The following ERFL variants were observed in gnomAD, a reference collection of about 807,000 sequenced individuals.
ERFL encodes ETS repressor factor like.
A neutral mutation model predicts 27.9 loss-of-function variants in ERFL; 8 were observed. The ratio of observed to expected loss-of-function variants is 0.29; its 90% CI spans 0.17 to 0.52. ERFL has a LOEUF of 0.52. ERFL is among the 20% of genes least tolerant of loss of function. The pLI is 0.97. For synonymous variants in ERFL, 174 were observed against 202.8 expected (o/e 0.86, Z 1.21); for missense variants, 294 against 444.4 (o/e 0.66, Z 3.04).
In ERFL at chr19:41,908,787, G is replaced by T. The variant is rs1599670301; in HGVS notation, c.617-111C>A. 1 of 543,168 alleles carries T rather than the reference G, an allele frequency of 1.8e-6. No individual in the cohort carries two copies. The highest frequency in any genetic ancestry group is 2.8e-6 in the Non-Finnish European group (1 of 360,030). 33.6% of individuals were successfully genotyped at this position (543,168 alleles called of 1,614,324 possible). The stretch of plus-strand genomic sequence containing the variant: ...CCATCTCCCCGCATCCCTCCTACAT[G>T]GCATCTTACCCCCTCATACAGCTTC... On this transcript the variant is annotated intron_variant, in intron 5 of 5. Transcript: ENST00000597630. The surrounding 1 kb of genome is among the most constrained non-coding windows in gnomAD (Gnocchi z 6.7).
chr19:41,914,868 CTGT>C lies in ERFL; in HGVS notation c.-13-1939_-13-1937del, dbSNP rs1555851745. On this transcript the variant is annotated intron_variant, in intron 1 of 5. Transcript: ENST00000597630. ...CTGTCTCTCCCCCCCTCCACCATCTCTGTCTCTCCCTCCCCTCCATCATCTCTG... is the reference window on the plus strand; with the variant it reads ...CTGTCTCTCCCCCCCTCCACCATCTCCTCTCCCTCCCCTCCATCATCTCTG... 5.1e-5 allele frequency among the ~76,000 whole-genome samples: 3 copies of C among 59,316 alleles called. 1 individual carries two copies. Among genetic ancestry groups the C allele is most frequent in the South Asian group, 8.7e-4 (1 of 1,150 alleles). The allele number at this position is 59,316 out of a possible 152,430, so 38.9% of individuals were successfully genotyped here.
At chr19:41,926,332 T>C (rs1445457297) in intron 1 of ERFL, among the ~76,000 whole-genome samples, 1 of 151,624 alleles carries the variant, frequency 6.6e-6, no homozygotes, top group African/African-American at 2.4e-5. Flanking sequence ...AGGGAACAGG[T>C]ATGGAGGACA....
At chr19:41,920,183 C>T (rs191991054) in intron 1 of ERFL, among the ~76,000 whole-genome samples, 2 of 129,232 alleles carry the variant, frequency 1.5e-5, no homozygotes, top group East Asian at 2.3e-4. Flanking sequence ...ATGACACGCT[C>T]ACAGACATGC....
chr19:41,917,648 G>T lies in ERFL; in HGVS notation c.-13-4716C>A, dbSNP rs1048789277. ...GCACACACCATGCCCCAAAGCACACGCACGCACGCACACACACACCCTGAC... is the reference window on the plus strand; with the variant it reads ...GCACACACCATGCCCCAAAGCACACTCACGCACGCACACACACACCCTGAC... On this transcript the variant is annotated intron_variant, in intron 1 of 5. Coordinates refer to ENST00000597630, the MANE Select transcript of ERFL (RefSeq NM_001365103.2). This position sits in a 1 kb window ranked among gnomAD's most constrained non-coding sequence, Gnocchi z 4.8. Among the ~76,000 whole-genome samples, 1 of 151,338 alleles carries T rather than the reference G, an allele frequency of 6.6e-6. No individual in the cohort carries two copies. The highest frequency in any genetic ancestry group is 2.1e-4 in the South Asian group (1 of 4,806).
intron 1 of ERFL, among the ~76,000 whole-genome samples, chr19:41,920,680 T>C (rs1307694376): frequency 1.3e-5 from 2 of 152,212 alleles, no homozygotes; most frequent in Non-Finnish European, 2.9e-5. Flanking sequence ...TCACAGACAC[T>C]GTGACACAAG....
intron 1 of ERFL, among the ~76,000 whole-genome samples, chr19:41,926,540 C>T (rs557349898): frequency 2.6e-5 from 4 of 152,204 alleles, no homozygotes; most frequent in South Asian, 4.2e-4. Flanking sequence ...CCTGTCCTCC[C>T]CTCCCTGGGG....
intron 1 of ERFL, among the ~76,000 whole-genome samples, chr19:41,920,359 GCACAGACATGACATGTT>G (rs1335559089): frequency 1.6e-5 from 2 of 128,396 alleles, no homozygotes; most frequent in Non-Finnish European, 3.2e-5. Context: ...CAGACGTGAC[GCACAGACATGACATGTT>G]CACAGACATG....
rs1281750814 is a variant in ERFL, at chr19:41,921,141, G to A, written c.-14+6899C>T. 3.3e-5 allele frequency among the ~76,000 whole-genome samples: 5 copies of A among 152,026 alleles called. No individual in the cohort carries two copies. The highest frequency in any genetic ancestry group is 1.2e-4 in the African/African-American group (5 of 41,388). ...CTCTGGGGGAGGGGAGAGGGAGGGT[G>A]GAGGCGCCACCGTGAGGCGAGGCGG... On this transcript the variant is annotated intron_variant, in intron 1 of 5. Coordinates refer to ENST00000597630, the MANE Select transcript of ERFL (RefSeq NM_001365103.2). The surrounding 1 kb of genome is among the most constrained non-coding windows in gnomAD (Gnocchi z 4.4).
At position 41,910,186 on chromosome 19, in the gene ERFL, G is replaced by T. The variant is rs2074744287; in HGVS notation, c.68-89C>A. The T allele has an allele frequency of 7.9e-7, 1 of 1,270,772 alleles. No individual in the cohort carries two copies. Among genetic ancestry groups the T allele is most frequent in the African/African-American group, 1.5e-5 (1 of 67,096 alleles). 78.7% of individuals were successfully genotyped at this position (1,270,772 alleles called of 1,614,324 possible). A position where few individuals can be genotyped will look rare whatever the true frequency, so the allele number is the denominator to read the frequency against. ...CTGGACTCAGTAACCTGGGAGGCAT[G>T]TAGTTCTCCTCCAGTCTCAGGCATC... On this transcript the variant is annotated intron_variant, in intron 2 of 5. Coordinates refer to ENST00000597630, the MANE Select transcript of ERFL (RefSeq NM_001365103.2). The surrounding 1 kb of genome is among the most constrained non-coding windows in gnomAD (Gnocchi z 4.4).
At chr19:41,915,866 G>C (rs377441478) in intron 1 of ERFL, among the ~76,000 whole-genome samples, 6 of 152,312 alleles carry the variant, frequency 3.9e-5, no homozygotes, top group African/African-American at 1.4e-4. Context: ...CTGGCAGGAC[G>C]GCCGGACAGA....
rs2074882646 is a variant in ERFL, at chr19:41,928,066, G to T, written c.-40C>A. 2 of 152,250 alleles carry T rather than the reference G, an allele frequency of 1.3e-5. No individual in the cohort carries two copies. Among genetic ancestry groups the T allele is most frequent in the African/African-American group, 4.8e-5 (2 of 41,556 alleles). The allele number at this position is 152,250 out of a possible 1,614,324, so 9.4% of individuals were successfully genotyped here. ...TTCTGGGCTTTTCGCATCCGCTCCG[G>T]TCCGGGGAGAAGTGTTTAAAGTTCG... On this transcript the variant is annotated 5_prime_UTR_variant, in exon 1 of 6. Transcript: ENST00000597630.
At chr19:41,918,912 A>G (rs1321880739) in intron 1 of ERFL, among the ~76,000 whole-genome samples, 1 of 149,442 alleles carries the variant, frequency 6.7e-6, no homozygotes, top group African/African-American at 2.5e-5. Context: ...ACACACATAC[A>G]CCACACACAC....
At position 41,912,399 on chromosome 19, in the gene ERFL, C is replaced by T. The variant is rs569103093; in HGVS notation, c.67+454G>A. Among the ~76,000 whole-genome samples, 7 of 152,358 alleles carry T rather than the reference C, an allele frequency of 4.6e-5. No individual in the cohort carries two copies. The South Asian group carries it at 1.4e-3, about 32-fold the overall frequency. On this transcript the variant is annotated intron_variant, in intron 2 of 5. Coordinates refer to ENST00000597630, the MANE Select transcript of ERFL (RefSeq NM_001365103.2). ...ACCAACCCCGGTTGCAAGCTGTCCT[C>T]TTTCCTGGGTCTCGGTCTGGCCGGG...
intron 2 of ERFL, among the ~76,000 whole-genome samples, chr19:41,912,622 T>G (rs2074759836): frequency 6.6e-6 from 1 of 152,026 alleles, no homozygotes; most frequent in Non-Finnish European, 1.5e-5. Context: ...TTCCGTACCC[T>G]CCCAGAAGAC....
intron 1 of ERFL, among the ~76,000 whole-genome samples, chr19:41,925,913 G>A (rs1438213010): frequency 2.6e-5 from 4 of 152,020 alleles, no homozygotes; most frequent in African/African-American, 9.7e-5. Context: ...GGTGGGGGCA[G>A]GCCTTACCTG....
rs139456833 is a variant in ERFL, at chr19:41,914,857, C to CT, written c.-13-1926dup. ...TTCCACCGTCTCTGTCTCTCCCCCC[C>CT]TCCACCATCTCTGTCTCTCCCTCCC... On this transcript the variant is annotated intron_variant, in intron 1 of 5. Transcript: ENST00000597630. 2.6e-3 allele frequency among the ~76,000 whole-genome samples: 14 copies of CT among 5,386 alleles called. 1 individual carries two copies. Among genetic ancestry groups the CT allele is most frequent in the African/African-American group, 0.014 (6 of 438 alleles). The allele number at this position is 5,386 out of a possible 152,430, so 3.5% of individuals were successfully genotyped here. A position where few individuals can be genotyped will look rare whatever the true frequency, so the allele number is the denominator to read the frequency against.
chr19:41,918,498 TCACA>T (rs782457979), intron 1 of ERFL, among the ~76,000 whole-genome samples: 2 of 101,922 alleles, frequency 2.0e-5, no homozygotes, highest in Non-Finnish European at 4.1e-5. Flanking sequence ...CACACACACA[TCACA>T]CACACACCAC....
chr19:41,910,115 G>C lies in ERFL; in HGVS notation c.68-18C>G. The C allele has an allele frequency of 6.2e-7, 1 of 1,603,540 alleles. No individual in the cohort carries two copies. Among genetic ancestry groups the C allele is most frequent in the Non-Finnish European group, 8.5e-7 (1 of 1,175,332 alleles). On this transcript the variant is annotated intron_variant, in intron 2 of 5. Transcript: ENST00000597630. The surrounding 1 kb of genome is among the most constrained non-coding windows in gnomAD (Gnocchi z 4.4). ...GGCAAACCCTGGGGACGGGAGGCAGGGAGTGGCCTGGGGTCAGGATGCCAA... is the reference window on the plus strand; with the variant it reads ...GGCAAACCCTGGGGACGGGAGGCAGCGAGTGGCCTGGGGTCAGGATGCCAA...
intron 1 of ERFL, among the ~76,000 whole-genome samples, chr19:41,918,249 C>G (rs1701807754): frequency 6.6e-6 from 1 of 151,564 alleles, no homozygotes; most frequent in African/African-American, 2.4e-5. Context: ...CACAAACACA[C>G]CATACATACA....
Sources: allele counts gnomAD v4.1 joint callset (sites outside exome capture counted in the v4.1 genomes callset), GRCh38; gene constraint gnomAD v4.1.1; non-coding constraint Gnocchi (gnomAD v3.1); transcripts MANE v1.5; gene names NCBI Gene and HGNC (gene_info 2026-07-23, HGNC 2026-07-21).